Variants in PIK3R5 observed in about 807,000 individuals in gnomAD.
PIK3R5 encodes phosphoinositide-3-kinase regulatory subunit 5.
PIK3R5 carries 32 observed loss-of-function variants against 94.9 expected under a neutral mutation model. The observed-to-expected ratio is 0.34, with a 90% CI of 0.25 to 0.45. The LOEUF (loss-of-function observed/expected upper bound fraction) is 0.45, where lower values mean the gene tolerates loss of function less well. Ranked by LOEUF, PIK3R5 falls within the 20% of genes least tolerant of loss-of-function variation. PIK3R5 has a pLI of 1.00. For missense variants in PIK3R5, 853 were observed against 1,144.6 expected, an observed-to-expected ratio of 0.75 and a Z score of 3.68; for synonymous variants, 443 against 479.4, an observed-to-expected ratio of 0.92 and a Z score of 0.99.
chr17:8,916,894 G>C (rs1049649567), intron 1 of PIK3R5: 5 of 152,368 alleles, frequency 3.3e-5, no homozygotes, highest in African/African-American at 1.2e-4. Context: ...ATCTCATATG[G>C]AGGGGGCCTC....
At chr17:8,934,921 C>T (rs1333245970) in intron 1 of PIK3R5, among the ~76,000 whole-genome samples, 3 of 152,262 alleles carry the variant, frequency 2.0e-5, no homozygotes, top group South Asian at 2.1e-4. Flanking sequence ...GAGTTCTGTG[C>T]CCTTCTTCTC....
At chr17:8,915,455 G>A (rs1299327491) in intron 1 of PIK3R5, among the ~76,000 whole-genome samples, 1 of 151,198 alleles carries the variant, frequency 6.6e-6, no homozygotes, top group Non-Finnish European at 1.5e-5. Flanking sequence ...CAGTTGCTGG[G>A]GATTGTGAGC....
chr17:8,902,249 AT>A (rs397960477), intron 5 of PIK3R5, among the ~76,000 whole-genome samples: 14,951 of 76,856 alleles, frequency 0.19, 1,044 homozygotes, highest in Non-Finnish European at 0.24. Context: ...TGATATATTA[AT>A]TTTTTTTTTT....
chr17:8,905,575 G>T, intron 4 of PIK3R5, 94 bp downstream of exon 4: 1 of 838,798 alleles, frequency 1.2e-6, no homozygotes, highest in Non-Finnish European at 1.8e-6. Context: ...TTCTCTCTCT[G>T]CTTATCTCCA....
chr17:8,885,675 T>G (rs1222556641), intron 14 of PIK3R5, among the ~76,000 whole-genome samples: 1 of 42,598 alleles, frequency 2.3e-5, no homozygotes, highest in Non-Finnish European at 3.9e-5. Context: ...CGCCTCCCCA[T>G]GGCCCTGCCT....
intron 1 of PIK3R5, among the ~76,000 whole-genome samples, chr17:8,963,270 A>G (rs1427346498): frequency 6.6e-6 from 1 of 152,210 alleles, no homozygotes; most frequent in Non-Finnish European, 1.5e-5. Context: ...CTTTGAAGAA[A>G]GGCCAAGTCA....
At position 8,911,425 on chromosome 17, in the gene PIK3R5, G is replaced by T; in HGVS notation, c.70C>A (p.Leu24Ile). 1.3e-6 allele frequency: 2 copies of T among 1,599,958 alleles called. No individual in the cohort carries two copies. The highest frequency in any genetic ancestry group is 1.7e-6 in the Non-Finnish European group (2 of 1,179,892). ...QHALERCLHG[L>I]SLSRRSTSWS... The stretch of plus-strand genomic sequence containing the variant: ...GAGGTGGAGCGGCGGCTGAGGCTGA[G>T]TCCATGCAGGCAGCGTTCCAGGGCA... The change falls in exon 2 of 19, where the codon CTC (leucine) becomes ATC (isoleucine). Residue 24 changes from leucine (L) to isoleucine (I), a missense_variant. Leu to Ile is a conservative substitution (Grantham distance 5, BLOSUM62 2). Transcript: ENST00000447110. This position sits in a 1 kb window ranked among gnomAD's most constrained non-coding sequence, Gnocchi z 5.3.
chr17:8,942,810 G>A (rs59917655), intron 1 of PIK3R5, among the ~76,000 whole-genome samples: 1 of 151,984 alleles, frequency 6.6e-6, no homozygotes, highest in Non-Finnish European at 1.5e-5. Context: ...GTTTCACCGT[G>A]TTAGCCAGGA....
In PIK3R5 at chr17:8,909,049, C is replaced by G. The variant is rs776547701; in HGVS notation, c.204+25G>C. On this transcript the variant is annotated intron_variant, in intron 3 of 18. Coordinates refer to ENST00000447110, the MANE Select transcript of PIK3R5 (RefSeq NM_001142633.3). This position sits in a 1 kb window ranked among gnomAD's most constrained non-coding sequence, Gnocchi z 4.3. ...TCTACGAGGCCGACCCCAGATCTGC[C>G]CTTCAATTCCTGACTCCCCCTCACC... 1 of 1,430,834 alleles carries G rather than the reference C, an allele frequency of 7.0e-7. No homozygotes were observed. The highest frequency in any genetic ancestry group is 9.8e-7 in the Non-Finnish European group (1 of 1,021,218). 88.6% of individuals were successfully genotyped at this position (1,430,834 alleles called of 1,614,324 possible).
chr17:8,927,713 C>G (rs1183865533), intron 1 of PIK3R5, among the ~76,000 whole-genome samples: 1 of 151,650 alleles, frequency 6.6e-6, no homozygotes, highest in Non-Finnish European at 1.5e-5. Context: ...TTTTTTTGGT[C>G]CCACCAAGTC....
intron 1 of PIK3R5, among the ~76,000 whole-genome samples, chr17:8,943,374 T>C (rs1455657624): frequency 6.6e-6 from 1 of 152,096 alleles, no homozygotes; most frequent in African/African-American, 2.4e-5. Context: ...AGATTATAGG[T>C]GTGAGCCACC....
intron 5 of PIK3R5, among the ~76,000 whole-genome samples, chr17:8,895,746 G>A (rs1430312172): frequency 8.5e-5 from 13 of 152,140 alleles, no homozygotes; most frequent in South Asian, 6.2e-4. Context: ...GACTCCACGC[G>A]ACTGTTGCTC....
rs1243775307 is a variant in PIK3R5 at position 8,935,263 on chromosome 17, T to A, written c.-13-23756A>T. Among the ~76,000 whole-genome samples, 2 of 152,210 alleles carry A rather than the reference T, an allele frequency of 1.3e-5. No individual in the cohort carries two copies. Among genetic ancestry groups the A allele is most frequent in the Non-Finnish European group, 2.9e-5 (2 of 68,028 alleles). ...TAACCCCAGTGCCTGGCACAGGGTC[T>A]GGGCAGATTCTCCCTGGAAAGTTAC... On this transcript the variant is annotated intron_variant, in intron 1 of 18. Coordinates refer to ENST00000447110, the MANE Select transcript of PIK3R5 (RefSeq NM_001142633.3). The surrounding 1 kb of genome is among the most constrained non-coding windows in gnomAD (Gnocchi z 4.5).
At chr17:8,932,913 G>C (rs142700435) in intron 1 of PIK3R5, among the ~76,000 whole-genome samples, 6 of 151,942 alleles carry the variant, frequency 3.9e-5, no homozygotes, top group Non-Finnish European at 7.4e-5. Flanking sequence ...AGAAGGATAC[G>C]TGCAAAGAAA....
At position 8,896,638 on chromosome 17, in the gene PIK3R5, T is replaced by A. The variant is rs1226082598; in HGVS notation, c.413-2983A>T. On this transcript the variant is annotated intron_variant, in intron 5 of 18. Transcript: ENST00000447110. This position sits in a 1 kb window ranked among gnomAD's most constrained non-coding sequence, Gnocchi z 4.0. ...CTTGTTCACCCATCAAAGCTTCCACTCTTTTTCAAAGTTGCAAATAGATGG... is the reference window on the plus strand; with the variant it reads ...CTTGTTCACCCATCAAAGCTTCCACACTTTTTCAAAGTTGCAAATAGATGG... Among the ~76,000 whole-genome samples the A allele has an allele frequency of 2.0e-5, 3 of 152,168 alleles. No individual in the cohort carries two copies. Among genetic ancestry groups the A allele is most frequent in the Non-Finnish European group, 2.9e-5 (2 of 68,020 alleles).
chr17:8,883,530 G>A (rs2089733488), intron 15 of PIK3R5, among the ~76,000 whole-genome samples: 1 of 152,190 alleles, frequency 6.6e-6, no homozygotes, highest in African/African-American at 2.4e-5. Flanking sequence ...TGTTCACACT[G>A]CCTCCCACCA....
At position 8,884,689 on chromosome 17, in the gene PIK3R5, C is replaced by G. The variant is rs761790181; in HGVS notation, c.2205+18G>C. On this transcript the variant is annotated intron_variant, in intron 15 of 18. Transcript: ENST00000447110. This position sits in a 1 kb window ranked among gnomAD's most constrained non-coding sequence, Gnocchi z 5.8. ...GCAGCAGATCCTGGAGGGGAAGGAG[C>G]CCCAGCACGGGTCTTACCTTGCTGT... 1.9e-6 allele frequency: 3 copies of G among 1,591,060 alleles called. No individual in the cohort carries two copies. The highest frequency in any genetic ancestry group is 2.2e-5 in the South Asian group (2 of 90,504).
chr17:8,949,449 T>C (rs1032644245), intron 1 of PIK3R5, among the ~76,000 whole-genome samples: 1 of 152,104 alleles, frequency 6.6e-6, no homozygotes, highest in Admixed American at 6.6e-5. Flanking sequence ...ATAAAGAAAC[T>C]TGAGGTTGTG....
In PIK3R5 at chr17:8,949,599, T is replaced by C. The variant is rs192106296; in HGVS notation, c.-14+15997A>G. Among the ~76,000 whole-genome samples, 3 of 152,340 alleles carry C rather than the reference T, an allele frequency of 2.0e-5. No individual in the cohort carries two copies. The East Asian group carries it at 5.8e-4, about 29-fold the overall frequency. ...ACAGAAAAAGAAAGGGAGAATTCTG[T>C]AATGGCATTTGCAGCAACCTGAATA... On this transcript the variant is annotated intron_variant, in intron 1 of 18. Transcript: ENST00000447110.
Sources: allele counts gnomAD v4.1 joint callset (sites outside exome capture counted in the v4.1 genomes callset), GRCh38; gene constraint gnomAD v4.1.1; non-coding constraint Gnocchi (gnomAD v3.1); transcripts MANE v1.5; gene names NCBI Gene and HGNC (gene_info 2026-07-23, HGNC 2026-07-21).